Variants in ZNF536 observed in about 807,000 individuals in gnomAD.
ZNF536 encodes the protein zinc finger protein 536.
In ZNF536, 13 loss-of-function variants were observed where a neutral mutation model predicts 84.5. The observed-to-expected ratio is 0.15, with a 90% CI of 0.10 to 0.24. ZNF536 has a LOEUF of 0.24. Among genes scored for constraint, ZNF536 ranks in the 10% least tolerant of loss-of-function variants. The pLI is 1.00. For missense variants in ZNF536, 1,536 were observed against 1,747.5 expected (o/e 0.88, Z 2.16); for synonymous variants, 811 against 742.5 (o/e 1.09, Z -1.50).
At chr19:30,360,515 G>T (rs2048240463) in intron 3 of ZNF536, among the ~76,000 whole-genome samples, 1 of 152,224 alleles carries the variant, frequency 6.6e-6, no homozygotes, top group Non-Finnish European at 1.5e-5. Flanking sequence ...TACAGGGCTT[G>T]CACCTTTCCC....
chr19:30,623,615 G>T (rs951179392), intron 1 of ZNF536, among the ~76,000 whole-genome samples: 16 of 152,330 alleles, frequency 1.1e-4, no homozygotes, highest in Admixed American at 9.8e-4. Context: ...ATGCATAATT[G>T]CAAGGTTGGT....
intron 1 of ZNF536, among the ~76,000 whole-genome samples, chr19:30,252,966 G>A (rs1197992211): frequency 6.6e-6 from 1 of 152,228 alleles, no homozygotes; most frequent in Non-Finnish European, 1.5e-5. Flanking sequence ...GGTAGAGAAT[G>A]TTTCGAAATG....
rs144474545 is a variant in ZNF536, at chr19:30,534,892, C to A, written c.2216C>A (p.Ala739Glu). The change falls in exon 3 of 5, where the codon GCG becomes GAG. Residue 739 changes from alanine (A) to glutamate (E), a missense_variant. Ala to Glu is a moderately radical substitution (Grantham distance 107). Around this residue, in one of 8 missense-constraint regions of ZNF536, gnomAD observed 148 missense variants for 205.4 expected, o/e 0.72. Transcript: ENST00000355537. Reference protein sequence around the residue: ...AGRSAGVQQPALLRDRSLGSA... With the variant: ...AGRSAGVQQPELLRDRSLGSA... ...AGATCTGCCGGCGTCCAGCAACCAG[C>A]GCTGCTTCGCGACAGAAGCCTGGGC... is the stretch of plus-strand genomic sequence containing the variant. The A allele has an allele frequency of 1.2e-6, 2 of 1,613,762 alleles. No homozygotes were observed. Among genetic ancestry groups the A allele is most frequent in the Non-Finnish European group, 1.7e-6 (2 of 1,179,856 alleles).
At chr19:30,525,019 G>T (rs2044516976) in intron 2 of ZNF536, among the ~76,000 whole-genome samples, 1 of 152,152 alleles carries the variant, frequency 6.6e-6, no homozygotes, top group Non-Finnish European at 1.5e-5. Flanking sequence ...ATGCTTATGT[G>T]AAGTCGTTTC....
chr19:30,474,839 A>G (rs4325684), intron 2 of ZNF536, among the ~76,000 whole-genome samples: 35,638 of 151,766 alleles, frequency 0.23, 4,546 homozygotes, highest in East Asian at 0.49. Flanking sequence ...TAGAGAGTAT[A>G]TGTTCTCTGT....
chr19:30,245,650 A>G (rs868807060), intron 1 of ZNF536, among the ~76,000 whole-genome samples: 3 of 152,222 alleles, frequency 2.0e-5, no homozygotes, highest in Non-Finnish European at 4.4e-5. Context: ...GGAAGTGCAG[A>G]AAGAAGGTTG....
chr19:30,280,237 C>G (rs1332821824), intron 1 of ZNF536, among the ~76,000 whole-genome samples: 1 of 152,088 alleles, frequency 6.6e-6, no homozygotes, highest in Non-Finnish European at 1.5e-5. Context: ...CAGACCCTCT[C>G]TTTCCTCCTG....
intron 1 of ZNF536, among the ~76,000 whole-genome samples, chr19:30,676,041 A>T (rs2050740962): frequency 7.5e-6 from 1 of 133,632 alleles, no homozygotes; most frequent in Non-Finnish European, 1.6e-5. Flanking sequence ...AATTTTTTTT[A>T]ATAGAGATGG....
At chr19:30,582,707 G>T (rs1259199289) in intron 1 of ZNF536, among the ~76,000 whole-genome samples, 3 of 152,172 alleles carry the variant, frequency 2.0e-5, no homozygotes, top group Non-Finnish European at 4.4e-5. Flanking sequence ...ATGGCTGGTG[G>T]AAGGTGAAAG....
chr19:30,630,026 G>C (rs886532827), intron 1 of ZNF536, among the ~76,000 whole-genome samples: 18 of 152,210 alleles, frequency 1.2e-4, no homozygotes, highest in Admixed American at 2.0e-4. Context: ...CCCTGACTTT[G>C]AGAAAGTGTG....
chr19:30,672,508 C>A (rs1207787976), intron 1 of ZNF536, among the ~76,000 whole-genome samples: 2 of 152,204 alleles, frequency 1.3e-5, no homozygotes, highest in South Asian at 4.1e-4. Flanking sequence ...GTCCATACAG[C>A]AAACAAGGTC....
intron 3 of ZNF536, among the ~76,000 whole-genome samples, chr19:30,366,664 C>T (rs933814565): frequency 1.3e-5 from 2 of 152,122 alleles, no homozygotes; most frequent in African/African-American, 4.8e-5. Flanking sequence ...CCTTTCCACT[C>T]CCTCTCTTCT....
chr19:30,661,886 A>C (rs2050134414), intron 1 of ZNF536, among the ~76,000 whole-genome samples: 1 of 148,474 alleles, frequency 6.7e-6, no homozygotes, highest in South Asian at 2.1e-4. Flanking sequence ...TTTGGAGTGA[A>C]TTTACATTCA....
intron 1 of ZNF536, among the ~76,000 whole-genome samples, chr19:30,422,476 T>C (rs555809524): frequency 3.3e-5 from 5 of 152,016 alleles, no homozygotes; most frequent in African/African-American, 1.2e-4. Context: ...ACCTTTTCCT[T>C]TCTCTGAATT....
intron 1 of ZNF536, among the ~76,000 whole-genome samples, chr19:30,243,474 G>A (rs1204754876): frequency 2.6e-5 from 4 of 151,992 alleles, no homozygotes; most frequent in Non-Finnish European, 4.4e-5. Flanking sequence ...GGAAACATTT[G>A]GTATTTTATT....
At chr19:30,381,523 G>T (rs911889428) in intron 1 of ZNF536, among the ~76,000 whole-genome samples, 2 of 152,214 alleles carry the variant, frequency 1.3e-5, no homozygotes, top group Non-Finnish European at 2.9e-5. Context: ...CAGACAGTGG[G>T]ATCTTGCAGG....
chr19:30,253,167 G>A (rs781637675), intron 1 of ZNF536, among the ~76,000 whole-genome samples: 1 of 152,314 alleles, frequency 6.6e-6, no homozygotes, highest in Middle Eastern at 3.4e-3. Flanking sequence ...GTCAAATGTG[G>A]AGAGGGATCC....
intron 1 of ZNF536, among the ~76,000 whole-genome samples, chr19:30,684,096 A>G (rs1031409156): frequency 5.2e-4 from 79 of 152,252 alleles, no homozygotes; most frequent in African/African-American, 1.7e-3. Context: ...TAAAAGAACC[A>G]AGATCAACAA....
At chr19:30,226,796 A>T (rs781609299), upstream of ZNF536, among the ~76,000 whole-genome samples, 20 of 152,226 alleles carry the variant, frequency 1.3e-4, no homozygotes, top group Admixed American at 3.3e-4. The surrounding 1 kb of genome is among the most constrained non-coding windows in gnomAD (Gnocchi z 4.6). Context: ...GGCAGAGGAG[A>T]GGCAGGGCTT....
Sources: gnomAD v4.1 joint callset for allele counts (sites outside exome capture counted in the v4.1 genomes callset) on GRCh38, gnomAD v4.1.1 for gene constraint, gnomAD v4.1.1 regional missense constraint, Gnocchi (gnomAD v3.1) non-coding constraint, MANE v1.5 for transcripts, NCBI Gene and HGNC (gene_info 2026-07-23, HGNC 2026-07-21) for gene names.